VCAN: variants seen among roughly 807,000 people sequenced by gnomAD.
VCAN encodes the protein versican.
A neutral mutation model predicts 245.5 loss-of-function variants in VCAN; 44 were observed. The observed-to-expected ratio is 0.18, with a 90% confidence interval of 0.14 to 0.23. The LOEUF (loss-of-function observed/expected upper bound fraction) is 0.23. Among genes scored for constraint, VCAN ranks in the 10% least tolerant of loss-of-function variants. The pLI, the probability that VCAN is intolerant of heterozygous loss-of-function variation, is 1.00. For synonymous variants in VCAN, 1,413 were observed against 1,437.0 expected (o/e 0.98, Z 0.38); for missense variants, 3,793 against 4,057.9 (o/e 0.93, Z 1.77).
chr5:83,506,834 G>T (rs529291592), intron 5 of VCAN, among the ~76,000 whole-genome samples: 1 of 152,270 alleles, frequency 6.6e-6, no homozygotes, highest in East Asian at 1.9e-4. Flanking sequence ...GAGGTGAAAG[G>T]CACTTCTTAC....
At chr5:83,514,452 ATT>A (rs1274338760) in intron 6 of VCAN, among the ~76,000 whole-genome samples, 6 of 83,692 alleles carry the variant, frequency 7.2e-5, no homozygotes, top group Admixed American at 1.4e-4. Flanking sequence ...GTGTGTGTGT[ATT>A]TTTTTTTTTT....
chr5:83,536,809 A>G (rs966665240), intron 7 of VCAN, 198 bp from the exon 8 acceptor site: 4 of 495,994 alleles, frequency 8.1e-6, no homozygotes, highest in Non-Finnish European at 1.4e-5. Flanking sequence ...TGTTAAATTG[A>G]ATTCATTTTT....
At position 83,504,384 on chromosome 5, in the gene VCAN, ATT is replaced by A. The variant is rs557999767; in HGVS notation, c.749-7702_749-7701del. On this transcript the variant is annotated intron_variant, in intron 5 of 14. Coordinates refer to ENST00000265077, the MANE Select transcript of VCAN (RefSeq NM_004385.5). ...AATGTATATGTATATACCTTGATGA[ATT>A]TTTTTTTTTTTTTTTTGAGACGGAG... 7.9e-3 allele frequency among the ~76,000 whole-genome samples: 1,119 copies of A among 140,876 alleles called. 11 individuals are homozygous for A. Among genetic ancestry groups the A allele is most frequent in the African/African-American group, 0.027 (1,035 of 38,154 alleles). The allele number at this position is 140,876 out of a possible 152,430, so 92.4% of individuals were successfully genotyped here.
intron 12 of VCAN, among the ~76,000 whole-genome samples, chr5:83,555,288 C>T (rs1174362708): frequency 6.6e-6 from 1 of 152,148 alleles, no homozygotes; most frequent in Non-Finnish European, 1.5e-5. Context: ...GAAAACCAGA[C>T]AATTAGTAGA....
At position 83,539,374 on chromosome 5, in the gene VCAN, A is replaced by C. The variant is rs1285543256; in HGVS notation, c.6371A>C (p.Lys2124Thr). The change falls in exon 8 of 15, where the codon AAG (lysine) becomes ACG (threonine). Residue 2124 changes from lysine to threonine, a missense_variant. Lys to Thr is a moderately conservative substitution (Grantham distance 78). Transcript: ENST00000265077. Reference protein sequence around the residue: ...TTSEEQIQEEKSFESPQNSPA... With the variant: ...TTSEEQIQEETSFESPQNSPA... ...TCAGAGGAACAAATTCAAGAAGAAA[A>C]GTCATTTGAATCCCCTCAAAACTCT... The C allele has an allele frequency of 6.2e-7, 1 of 1,613,996 alleles. No individual in the cohort carries two copies. The highest frequency in any genetic ancestry group is 1.3e-5 in the African/African-American group (1 of 74,938).
At chr5:83,489,987 T>C in intron 2 of VCAN, 111 bp from the exon 3 acceptor site, 1 of 1,067,446 alleles carries the variant, frequency 9.4e-7, no homozygotes. Context: ...TTATGTCACA[T>C]GTTGAAGATG....
In VCAN at chr5:83,541,398, A is replaced by G; in HGVS notation, c.8395A>G (p.Met2799Val). 6.2e-7 allele frequency: 1 copy of G among 1,614,070 alleles called. No individual in the cohort carries two copies. Among genetic ancestry groups the G allele is most frequent in the Non-Finnish European group, 8.5e-7 (1 of 1,179,978 alleles). The change falls in exon 8 of 15, where the codon ATG (methionine) becomes GTG (valine). Residue 2799 changes from methionine to valine, a missense_variant. Coordinates refer to ENST00000265077, the MANE Select transcript of VCAN (RefSeq NM_004385.5). ...GAGTGTAACAGAGGTGCCTGATGTG[A>G]TGGAAGGATCCAATCCCCCATATTA... is the stretch of plus-strand genomic sequence containing the variant. ...DQSVTEVPDV[M>V]EGSNPPYYTD...
At position 83,494,962 on chromosome 5, in the gene VCAN, A is replaced by G. The variant is rs181314255; in HGVS notation, c.748+1031A>G. 7.2e-5 allele frequency among the ~76,000 whole-genome samples: 11 copies of G among 152,330 alleles called. No homozygotes were observed. In the East Asian group the frequency reaches 2.1e-3, roughly 29 times the overall value. ...GCCACAGCACTCCAGCCTAGGTGAC[A>G]GAGTGAGATCTTGTCTCAACAAATA... is the stretch of plus-strand genomic sequence containing the variant. On this transcript the variant is annotated intron_variant, in intron 5 of 14. Coordinates refer to ENST00000265077, the MANE Select transcript of VCAN (RefSeq NM_004385.5).
chr5:83,538,181 G>A lies in VCAN; in HGVS notation c.5178G>A (p.Lys1726=), dbSNP rs1746801775. 1.2e-6 allele frequency: 2 copies of A among 1,613,810 alleles called. No homozygotes were observed. The highest frequency in any genetic ancestry group is 1.3e-5 in the African/African-American group (1 of 74,918). ...SSTTVEEKKR[K]EEEGTTGTAS... is the part of the protein sequence containing the mutation. ...CCACTGTTGAGGAAAAGAAAAGGAAGGAGGAGGAGGGAACTACAGGTACGG... is the reference window on the plus strand; with the variant it reads ...CCACTGTTGAGGAAAAGAAAAGGAAAGAGGAGGAGGGAACTACAGGTACGG... Residue 1726 remains lysine, a synonymous_variant, in exon 8 of 15, where the codon AAG becomes AAA. Coordinates refer to ENST00000265077, the MANE Select transcript of VCAN (RefSeq NM_004385.5).
intron 2 of VCAN, among the ~76,000 whole-genome samples, chr5:83,484,173 TTCTG>T (rs1225634462): frequency 2.6e-5 from 4 of 152,206 alleles, no homozygotes; most frequent in African/African-American, 7.2e-5. Flanking sequence ...ACTCATCTGC[TTCTG>T]TCTGTCTAGT....
Position 83,538,970 on chromosome 5 carries a change from C to G in VCAN, c.5967C>G (p.Pro1989=). The G allele has an allele frequency of 1.2e-6, 2 of 1,613,982 alleles. No individual in the cohort carries two copies. The highest frequency in any genetic ancestry group is 1.7e-6 in the Non-Finnish European group (2 of 1,179,956). ...HISHISDSEG[P]SSTMVSTSAF... is the part of the protein sequence containing the mutation. ...GTCACATATCTGACTCAGAAGGACCCAGTAGCACCATGGTCAGCACTTCAG... is the reference window on the plus strand; with the variant it reads ...GTCACATATCTGACTCAGAAGGACCGAGTAGCACCATGGTCAGCACTTCAG... Residue 1989 remains proline (P), a synonymous_variant, in exon 8 of 15, where the codon CCC becomes CCG. Transcript: ENST00000265077.
intron 1 of VCAN, among the ~76,000 whole-genome samples, chr5:83,478,971 C>T (rs1744495487): frequency 6.6e-6 from 1 of 152,024 alleles, no homozygotes; most frequent in Non-Finnish European, 1.5e-5. Context: ...AGGAGTTCAC[C>T]AGGCAGAGAA....
chr5:83,477,011 A>G (rs1744415749), intron 1 of VCAN, among the ~76,000 whole-genome samples: 1 of 152,166 alleles, frequency 6.6e-6, no homozygotes, highest in African/African-American at 2.4e-5. Flanking sequence ...TATTGATTTG[A>G]TATTACTTGA....
At chr5:83,578,371 A>T (rs1748552911) in intron 13 of VCAN, among the ~76,000 whole-genome samples, 1 of 152,068 alleles carries the variant, frequency 6.6e-6, no homozygotes, top group Non-Finnish European at 1.5e-5. Flanking sequence ...TAGAAAAATA[A>T]CTGTTGGGTA....
chr5:83,483,147 C>A (rs148921674), intron 1 of VCAN, among the ~76,000 whole-genome samples: 66 of 152,296 alleles, frequency 4.3e-4, no homozygotes, highest in Non-Finnish European at 7.8e-4. Context: ...TCACCCATTT[C>A]TTTTTGTGCC....
intron 12 of VCAN, among the ~76,000 whole-genome samples, chr5:83,566,654 C>T (rs765496957): frequency 6.6e-6 from 1 of 152,070 alleles, no homozygotes; most frequent in Admixed American, 6.6e-5. Flanking sequence ...AGAGAAATAG[C>T]TCTCCAACCA....
At chr5:83,485,582 G>A (rs550398299) in intron 2 of VCAN, among the ~76,000 whole-genome samples, 3 of 152,116 alleles carry the variant, frequency 2.0e-5, no homozygotes, top group African/African-American at 2.4e-5. Flanking sequence ...GGAGGTTATT[G>A]TAGTAGCCTG....
At chr5:83,522,334 C>T in intron 7 of VCAN, 25 bp downstream of exon 7, 3 of 1,594,568 alleles carry the variant, frequency 1.9e-6, no homozygotes, top group Non-Finnish European at 2.5e-6. Flanking sequence ...TCTAGACTAG[C>T]ATTGAAGGCA....
intron 12 of VCAN, among the ~76,000 whole-genome samples, chr5:83,559,671 GTCC>G (rs2112479345): frequency 1.3e-5 from 2 of 152,120 alleles, no homozygotes; most frequent in South Asian, 4.2e-4. Context: ...CATCTTTTTT[GTCC>G]TCCACCCATC....
Sources: allele counts gnomAD v4.1 joint callset (sites outside exome capture counted in the v4.1 genomes callset), GRCh38; gene constraint gnomAD v4.1.1; transcripts MANE v1.5; gene names NCBI Gene and HGNC (gene_info 2026-07-23, HGNC 2026-07-21).